Variants in GPR158 observed in about 807,000 individuals in gnomAD.
GPR158 encodes G protein-coupled receptor 158, also known as metabotropic glycine receptor.
GPR158 carries 30 observed loss-of-function variants against 78.2 expected under a neutral mutation model. The ratio of observed to expected loss-of-function variants is 0.38; its 90% CI spans 0.29 to 0.52. The LOEUF is 0.52. Among genes scored for constraint, GPR158 ranks in the 20% least tolerant of loss-of-function variants. GPR158 has a pLI of 0.83. For missense variants in GPR158, 1,463 were observed against 1,523.5 expected (o/e 0.96, Z 0.66); for synonymous variants, 581 against 591.1 (o/e 0.98, Z 0.25).
At chr10:25,230,669 T>C (rs1364282180) in intron 2 of GPR158, among the ~76,000 whole-genome samples, 1 of 152,222 alleles carries the variant, frequency 6.6e-6, no homozygotes, top group East Asian at 1.9e-4. Context: ...GGCTAGTCTG[T>C]GACTTACTGG....
intron 2 of GPR158, among the ~76,000 whole-genome samples, chr10:25,275,476 A>G (rs1245124573): frequency 1.3e-5 from 2 of 152,218 alleles, no homozygotes; most frequent in African/African-American, 4.8e-5. Context: ...AGCAGAAGAA[A>G]TAAATTACTT....
intron 1 of GPR158, among the ~76,000 whole-genome samples, chr10:25,205,667 G>T (rs2765701): frequency 0.14 from 21,380 of 151,844 alleles, 1,838 homozygotes; most frequent in East Asian, 0.29. Flanking sequence ...CTGCCCTAAT[G>T]TCATTGTTTT....
In GPR158 at chr10:25,380,331, C is replaced by T. The variant is rs562765881; in HGVS notation, c.1009-15580C>T. On this transcript the variant is annotated intron_variant, in intron 2 of 10. Transcript: ENST00000376351. ...TTTGTAGTTTCAAATGTGTATATAT[C>T]CTAAAGTGTACTTTATAAAGTTCTA... Among the ~76,000 whole-genome samples the T allele has an allele frequency of 1.6e-4, 25 of 152,174 alleles. No individual in the cohort carries two copies. The South Asian group carries it at 2.1e-3, about 13-fold the overall frequency.
intron 2 of GPR158, among the ~76,000 whole-genome samples, chr10:25,322,152 C>T (rs767796859): frequency 3.3e-4 from 50 of 152,050 alleles, no homozygotes; most frequent in Non-Finnish European, 4.6e-4. Context: ...GAGGCTGAGG[C>T]GGGCAGATCG....
intron 7 of GPR158, among the ~76,000 whole-genome samples, chr10:25,573,934 G>GTAAT: frequency 6.7e-6 from 1 of 150,044 alleles, no homozygotes; most frequent in African/African-American, 2.4e-5. Context: ...TATATTTTGG[G>GTAAT]TAATATAACA....
At chr10:25,290,481 T>C (rs1020068390) in intron 2 of GPR158, among the ~76,000 whole-genome samples, 2 of 152,150 alleles carry the variant, frequency 1.3e-5, no homozygotes, top group African/African-American at 2.4e-5. Flanking sequence ...ATTCATATGA[T>C]GGTTAAACCT....
At position 25,277,644 on chromosome 10, in the gene GPR158, T is replaced by G. The variant is rs1854203428; in HGVS notation, c.1008+56487T>G. ...CGAATGCTGGTATGAGAGTTTGTCA[T>G]GTGAATTAATGGCTTCCTGGTGGAG... is the stretch of plus-strand genomic sequence containing the variant. On this transcript the variant is annotated intron_variant, in intron 2 of 10. Transcript: ENST00000376351. Among the ~76,000 whole-genome samples, 3 of 152,286 alleles carry G rather than the reference T, an allele frequency of 2.0e-5. No individual in the cohort carries two copies. The South Asian group carries it at 6.2e-4, about 32-fold the overall frequency.
chr10:25,317,735 TGTTTTG>T (rs1854880007), intron 2 of GPR158, among the ~76,000 whole-genome samples: 7 of 136,824 alleles, frequency 5.1e-5, no homozygotes, highest in South Asian at 2.3e-4. Context: ...TGTTTTGTTT[TGTTTTG>T]TTTTTGAGAC....
At chr10:25,264,644 TG>T (rs1181324291) in intron 2 of GPR158, among the ~76,000 whole-genome samples, 2 of 152,226 alleles carry the variant, frequency 1.3e-5, no homozygotes, top group African/African-American at 2.4e-5. Flanking sequence ...TGAGGTGGTT[TG>T]TTACACAGCA....
At chr10:25,180,529 G>A (rs564370631) in intron 1 of GPR158, among the ~76,000 whole-genome samples, 1 of 152,148 alleles carries the variant, frequency 6.6e-6, no homozygotes, top group Non-Finnish European at 1.5e-5. Flanking sequence ...GCCCAAACCA[G>A]TGATATACAC....
chr10:25,299,616 C>T (rs1854563208), intron 2 of GPR158, among the ~76,000 whole-genome samples: 1 of 152,126 alleles, frequency 6.6e-6, no homozygotes, highest in African/African-American at 2.4e-5. Flanking sequence ...GTATATACCA[C>T]ATTTTCTTCA....
Position 25,600,000 on chromosome 10 carries a change from A to G in GPR158, c.*726A>G, listed in dbSNP as rs1317439287. 1.3e-5 allele frequency: 2 copies of G among 152,666 alleles called. No homozygotes were observed. The highest frequency in any genetic ancestry group is 4.8e-5 in the African/African-American group (2 of 41,468). The allele number at this position is 152,666 out of a possible 1,614,324, so 9.5% of individuals were successfully genotyped here. Reference sequence around the variant, plus strand: ...GGCTTGGGAAGCCATAACTGTTACTATAAAAACTTTTAGTTTTGGCTGTGG... The same window carrying G: ...GGCTTGGGAAGCCATAACTGTTACTGTAAAAACTTTTAGTTTTGGCTGTGG... On this transcript the variant is annotated 3_prime_UTR_variant, in exon 11 of 11. Transcript: ENST00000376351.
chr10:25,281,692 G>T (rs1472467165), intron 2 of GPR158, among the ~76,000 whole-genome samples: 3 of 152,018 alleles, frequency 2.0e-5, no homozygotes, highest in African/African-American at 7.2e-5. Context: ...GAAAATCAAT[G>T]AAGTATGTAA....
intron 2 of GPR158, among the ~76,000 whole-genome samples, chr10:25,246,777 T>C (rs953661164): frequency 6.6e-6 from 1 of 152,208 alleles, no homozygotes. Context: ...GAGTCACTGC[T>C]TTATGCAGCT....
intron 2 of GPR158, among the ~76,000 whole-genome samples, chr10:25,325,036 G>A (rs534178717): frequency 2.6e-5 from 4 of 151,506 alleles, no homozygotes; most frequent in Non-Finnish European, 4.4e-5. Flanking sequence ...TGGAGATGGG[G>A]TCTTGCTATA....
chr10:25,199,129 T>C (rs920440622), intron 1 of GPR158, among the ~76,000 whole-genome samples: 16 of 151,296 alleles, frequency 1.1e-4, no homozygotes, highest in African/African-American at 3.7e-4. Flanking sequence ...ATAAAGTTTT[T>C]GTTTTTTTTT....
At chr10:25,591,747 T>C (rs970780179) in intron 8 of GPR158, among the ~76,000 whole-genome samples, 8 of 152,134 alleles carry the variant, frequency 5.3e-5, no homozygotes, top group African/African-American at 1.9e-4. Context: ...TGACCCACTA[T>C]ATCTTTCTGC....
In GPR158 at chr10:25,442,738, C is replaced by T. The variant is rs896431306; in HGVS notation, c.1336-23913C>T. Among the ~76,000 whole-genome samples, 69 of 152,086 alleles carry T rather than the reference C, an allele frequency of 4.5e-4. 1 individual carries two copies. Among genetic ancestry groups the T allele is most frequent in the Non-Finnish European group, 4.0e-4 (27 of 67,988 alleles). Reference sequence around the variant, plus strand: ...CTATTCCTTTCTCCATAGCTAAGTCCATTTCAAAGTTCCATCAGTTTTACA... The same window carrying T: ...CTATTCCTTTCTCCATAGCTAAGTCTATTTCAAAGTTCCATCAGTTTTACA... On this transcript the variant is annotated intron_variant, in intron 4 of 10. Transcript: ENST00000376351.
At chr10:25,311,449 C>T (rs1854763215) in intron 2 of GPR158, among the ~76,000 whole-genome samples, 2 of 151,724 alleles carry the variant, frequency 1.3e-5, no homozygotes, top group South Asian at 2.1e-4. Context: ...TTTATTATAA[C>T]ATTATATTCA....
Sources: gnomAD v4.1 joint callset for allele counts (sites outside exome capture counted in the v4.1 genomes callset) on GRCh38, gnomAD v4.1.1 for gene constraint, MANE v1.5 for transcripts, NCBI Gene and HGNC (gene_info 2026-07-23, HGNC 2026-07-21) for gene names.